ACCSL: variants seen among roughly 807,000 people sequenced by gnomAD.
ACCSL encodes the protein 1-aminocyclopropane-1-carboxylate synthase homolog (inactive) like.
Under a neutral mutation model 61.7 loss-of-function variants are expected in ACCSL, and 55 were observed. The observed-to-expected ratio is 0.89, with a 90% CI of 0.72 to 1.12. The LOEUF (loss-of-function observed/expected upper bound fraction) is 1.12. ACCSL is among the 50% of genes most tolerant of loss of function. ACCSL has a pLI of 0.00. For missense variants in ACCSL, 632 were observed against 698.0 expected (o/e 0.91, Z 1.07); for synonymous variants, 258 against 264.3 (o/e 0.98, Z 0.23).
the ACCSL span, among the ~76,000 whole-genome samples, chr11:44,003,776 A>G: frequency 2.0e-5 from 3 of 152,224 alleles, no homozygotes; most frequent in African/African-American, 7.2e-5. Flanking sequence ...GACTTTTCGC[A>G]CACTCTGCAG....
At chr11:43,983,135 G>A in the ACCSL span, among the ~76,000 whole-genome samples, 14 of 152,262 alleles carry the variant, frequency 9.2e-5, no homozygotes, top group Middle Eastern at 3.4e-3. Flanking sequence ...ACAGCCTTGC[G>A]TGCCCTATTT....
At chr11:44,021,474 T>G in the ACCSL span, among the ~76,000 whole-genome samples, 21 of 152,336 alleles carry the variant, frequency 1.4e-4, no homozygotes, top group African/African-American at 4.8e-4. Flanking sequence ...ATTTGTTCTT[T>G]TTCTTGCTGA....
the ACCSL span, among the ~76,000 whole-genome samples, chr11:44,014,992 T>C: frequency 6.6e-6 from 1 of 152,162 alleles, no homozygotes; most frequent in African/African-American, 2.4e-5. Flanking sequence ...GATGTGATGA[T>C]ACACATGCAG....
At chr11:44,057,621 G>C (rs551098489) in intron 11 of ACCSL, among the ~76,000 whole-genome samples, 1 of 152,304 alleles carries the variant, frequency 6.6e-6, no homozygotes, top group Admixed American at 6.5e-5. Flanking sequence ...GCATCCCCAG[G>C]CACACATATA....
the ACCSL span, among the ~76,000 whole-genome samples, chr11:43,952,899 G>A: frequency 3.3e-5 from 5 of 152,100 alleles, no homozygotes; most frequent in Non-Finnish European, 5.9e-5. Flanking sequence ...TCCCAGAACC[G>A]GGTTGGCCAT....
chr11:43,924,515 G>A, the ACCSL span, among the ~76,000 whole-genome samples: 8 of 152,366 alleles, frequency 5.3e-5, no homozygotes, highest in Non-Finnish European at 8.8e-5. Flanking sequence ...GACGGGGGCA[G>A]GCGAGTGGGA....
chr11:43,993,329 C>T, the ACCSL span, among the ~76,000 whole-genome samples: 4 of 152,140 alleles, frequency 2.6e-5, no homozygotes, highest in East Asian at 1.9e-4. Flanking sequence ...TTCTCAGGGG[C>T]CTGAGAGCTC....
chr11:43,958,220 T>C, the ACCSL span, among the ~76,000 whole-genome samples: 6 of 152,232 alleles, frequency 3.9e-5, no homozygotes, highest in African/African-American at 1.4e-4. Context: ...ACTTCCCTAA[T>C]TACTCTTGAA....
At chr11:44,003,810 A>C in the ACCSL span, among the ~76,000 whole-genome samples, 12 of 152,298 alleles carry the variant, frequency 7.9e-5, no homozygotes, top group Non-Finnish European at 1.5e-4. Context: ...GAGGCAGTGC[A>C]GGAGCCTGAC....
the ACCSL span, chr11:43,925,448 G>A: frequency 1.1e-5 from 5 of 456,184 alleles, no homozygotes; most frequent in South Asian, 6.2e-5. Context: ...TGGATATGTG[G>A]CAAGGATCCC....
the ACCSL span, among the ~76,000 whole-genome samples, chr11:43,922,025 T>C: frequency 6.6e-6 from 1 of 152,236 alleles, no homozygotes; most frequent in Non-Finnish European, 1.5e-5. Flanking sequence ...TTGCTGGTGC[T>C]AGATCTGAAC....
chr11:43,954,079 T>C, the ACCSL span, among the ~76,000 whole-genome samples: 1 of 152,114 alleles, frequency 6.6e-6, no homozygotes, highest in Non-Finnish European at 1.5e-5. Flanking sequence ...CACGGGACCA[T>C]GAGGAGCCAC....
the ACCSL span, among the ~76,000 whole-genome samples, chr11:43,959,746 G>T: frequency 1.3e-5 from 2 of 152,166 alleles, no homozygotes; most frequent in African/African-American, 4.8e-5. Context: ...ATTCAGGCAG[G>T]CAGGGTTTGT....
At chr11:44,012,738 G>C in the ACCSL span, among the ~76,000 whole-genome samples, 4 of 152,192 alleles carry the variant, frequency 2.6e-5, no homozygotes, top group Non-Finnish European at 5.9e-5. Flanking sequence ...GTTCATTGCA[G>C]TGTTTTTTAT....
At chr11:44,046,523 A>C (rs1952598255), upstream of ACCSL, among the ~76,000 whole-genome samples, 5 of 152,252 alleles carry the variant, frequency 3.3e-5, no homozygotes, top group South Asian at 1.0e-3. Context: ...TAACAATATT[A>C]AATGTCACTA....
chr11:43,947,736 T>G, the ACCSL span, among the ~76,000 whole-genome samples: 92,457 of 136,628 alleles, frequency 0.68, 28,518 homozygotes, highest in East Asian at 0.83. Context: ...ACTGAGACAG[T>G]GAAAGAGAGA....
chr11:43,932,487 T>A, the ACCSL span, among the ~76,000 whole-genome samples: 2 of 152,208 alleles, frequency 1.3e-5, no homozygotes, highest in Admixed American at 6.5e-5. Context: ...CAGGCAGGTC[T>A]CGAACTCCTG....
At chr11:43,993,319 T>TTCTCAGGGGCCTGAGAGCTC in the ACCSL span, among the ~76,000 whole-genome samples, 6 of 152,144 alleles carry the variant, frequency 3.9e-5, no homozygotes, top group Non-Finnish European at 8.8e-5. Flanking sequence ...TCAAGCCCTC[T>TTCTCAGGGGCCTGAGAGCTC]TCTCAGGGGC....
chr11:43,939,054 T>C, the ACCSL span, among the ~76,000 whole-genome samples: 168 of 152,348 alleles, frequency 1.1e-3, 2 homozygotes, highest in Middle Eastern at 0.014. Context: ...TCTGTATTTC[T>C]GTGTATCTCT....
Sources: gnomAD v4.1 joint callset for allele counts (sites outside exome capture counted in the v4.1 genomes callset) on GRCh38, gnomAD v4.1.1 for gene constraint, MANE v1.5 for transcripts, NCBI Gene and HGNC (gene_info 2026-07-23, HGNC 2026-07-21) for gene names.